HUWE1: variants seen among roughly 807,000 people sequenced by gnomAD.
HUWE1 encodes E3 ubiquitin-protein ligase HUWE1.
HUWE1 carries 18 observed loss-of-function variants against 299.4 expected under a neutral mutation model. That is an observed-to-expected ratio of 0.06 (90% CI 0.04 to 0.09). HUWE1 has a LOEUF of 0.09. Ranked by LOEUF, HUWE1 falls within the 10% of genes least tolerant of loss-of-function variation. HUWE1 has a pLI of 1.00. For synonymous variants in HUWE1, 1,317 were observed against 1,286.1 expected (o/e 1.02, Z -0.51); for missense variants, 1,832 against 3,462.3 (o/e 0.53, Z 11.82).
intron 4 of HUWE1, among the ~76,000 whole-genome samples, chrX:53,653,385 CAA>C (rs1256285647): frequency 9.0e-6 from 1 of 111,495 alleles, no homozygotes; most frequent in Non-Finnish European, 1.9e-5. Flanking sequence ...CTCTCAGCCA[CAA>C]AAGTCTGGTA....
At chrX:53,663,879 T>TA (rs376201617) in intron 3 of HUWE1, among the ~76,000 whole-genome samples, 1,620 of 94,687 alleles carry the variant, frequency 0.017, 17 homozygotes, top group South Asian at 0.046. Context: ...GTGGGAAAGT[T>TA]AAAAAAAAAA....
chrX:53,583,202 C>T (rs1203577236), intron 42 of HUWE1, among the ~76,000 whole-genome samples: 1 of 109,318 alleles, frequency 9.1e-6, no homozygotes, highest in Non-Finnish European at 1.9e-5. Flanking sequence ...GCTGAACACC[C>T]GAGAGGTACT....
chrX:53,591,266 A>G lies in HUWE1; in HGVS notation c.3973-144T>C, dbSNP rs1261842806. On this transcript the variant is annotated intron_variant, in intron 33 of 83. Coordinates refer to ENST00000262854, the MANE Select transcript of HUWE1 (RefSeq NM_031407.7). ...TTTATGAGCTAGGGCAATTAGGTAA[A>G]ATGAACAATCCTTTCTGTTTGGTGC... 6 of 631,907 alleles carry G rather than the reference A, an allele frequency of 9.5e-6. No homozygotes were observed. In the African/African-American group the frequency reaches 1.3e-4, roughly 14 times the overall value. The allele number at this position is 631,907 out of a possible 1,213,427, so 52.1% of individuals were successfully genotyped here. A position where few individuals can be genotyped will look rare whatever the true frequency, so the allele number is the denominator to read the frequency against.
intron 17 of HUWE1, among the ~76,000 whole-genome samples, chrX:53,626,215 ACGTGTG>A (rs1385446665): frequency 1.6e-3 from 85 of 53,696 alleles, no homozygotes; most frequent in Non-Finnish European, 2.7e-3. Flanking sequence ...ACATACATAC[ACGTGTG>A]TGTGTGTGTG....
At chrX:53,605,860 C>G (rs1302640326) in intron 25 of HUWE1, among the ~76,000 whole-genome samples, 1 of 111,734 alleles carries the variant, frequency 8.9e-6, no homozygotes, top group Non-Finnish European at 1.9e-5. Flanking sequence ...AGAATTAAAT[C>G]TTCACATATA....
intron 46 of HUWE1, 113 bp downstream of exon 46, chrX:53,575,042 A>T: frequency 5.3e-6 from 3 of 568,492 alleles, no homozygotes; most frequent in Non-Finnish European, 9.1e-6. Context: ...TTAGACCAGT[A>T]AACGTAATAA....
Position 53,594,576 on chromosome X carries a change from C to G in HUWE1, c.3426G>C (p.Leu1142=). ...GGTAGGGATACTTCCTCTCATCAAA[C>G]AGCATTGGGGATGTGAAACCAACTG... ...ICSVGFTSPM[L]FDERKYPYHL... is the part of the protein sequence containing the mutation. Residue 1142 remains leucine (L), a synonymous_variant, in exon 31 of 84, where the codon CTG becomes CTC. Transcript: ENST00000262854. The G allele has an allele frequency of 8.3e-7, 1 of 1,209,715 alleles. No homozygotes were observed. The highest frequency in any genetic ancestry group is 1.8e-5 in the South Asian group (1 of 56,838).
In HUWE1 at chrX:53,577,057, A is replaced by T; in HGVS notation, c.5727T>A (p.Asp1909Glu). 1.7e-6 allele frequency: 2 copies of T among 1,206,527 alleles called. No homozygotes were observed. The highest frequency in any genetic ancestry group is 2.2e-6 in the Non-Finnish European group (2 of 890,998). The change falls in exon 44 of 84, where the codon GAT becomes GAA. Residue 1909 changes from aspartate to glutamate, a missense_variant. Coordinates refer to ENST00000262854, the MANE Select transcript of HUWE1 (RefSeq NM_031407.7). Reference protein sequence around the residue: ...APRGSGTASDDEFENLRIKGP... With the variant: ...APRGSGTASDEEFENLRIKGP... ...CTTTAATTCTAAGATTCTCAAATTC[A>T]TCATCTGAAGCTAAGCCAAAATGAG...
intron 19 of HUWE1, among the ~76,000 whole-genome samples, chrX:53,618,112 G>A (rs868994394): frequency 8.9e-6 from 1 of 111,939 alleles, no homozygotes; most frequent in Middle Eastern, 4.7e-3. Flanking sequence ...AAATAGTACA[G>A]CATTAAAGTA....
Position 53,680,980 on chromosome X carries a change from G to C in HUWE1, c.-162-794C>G, listed in dbSNP as rs181461393. On this transcript the variant is annotated intron_variant, in intron 2 of 83. Transcript: ENST00000262854. ...TCCACATACAGCTAATTGTGGGATG[G>C]TTACCTCCTGTAAATTTTAAATCCT... 6.2e-3 allele frequency among the ~76,000 whole-genome samples: 693 copies of C among 111,110 alleles called. 8 individuals carry two copies. Among genetic ancestry groups the C allele is most frequent in the African/African-American group, 0.021 (654 of 30,549 alleles).
chrX:53,657,391 T>A (rs782105858), intron 3 of HUWE1, among the ~76,000 whole-genome samples: 1 of 111,622 alleles, frequency 9.0e-6, no homozygotes, highest in Non-Finnish European at 1.9e-5. Context: ...CTGGCCAACA[T>A]GGCAAAACCC....
intron 25 of HUWE1, among the ~76,000 whole-genome samples, chrX:53,606,889 G>A (rs782161356): frequency 9.0e-6 from 1 of 111,246 alleles, no homozygotes; most frequent in Non-Finnish European, 1.9e-5. Flanking sequence ...TCTGGAGATT[G>A]GCTGCACATC....
At chrX:53,557,957 T>C (rs2062105437) in intron 59 of HUWE1, among the ~76,000 whole-genome samples, 1 of 112,015 alleles carries the variant, frequency 8.9e-6, no homozygotes, top group Non-Finnish European at 1.9e-5. Context: ...CCTTAACTGC[T>C]GAGTAGGGTA....
intron 83 of HUWE1, chrX:53,533,736 C>T: frequency 2.3e-6 from 1 of 441,268 alleles, no homozygotes; most frequent in South Asian, 3.3e-5. Flanking sequence ...ACTTTTGCTC[C>T]CTGCAACTCC....
intron 2 of HUWE1, among the ~76,000 whole-genome samples, chrX:53,682,665 G>A (rs2070229500): frequency 9.0e-6 from 1 of 110,582 alleles, no homozygotes; most frequent in Non-Finnish European, 1.9e-5. Context: ...GGGGAGTGGG[G>A]GATAGAAAGA....
chrX:53,644,842 T>G (rs1225888402), intron 7 of HUWE1, among the ~76,000 whole-genome samples: 1 of 111,941 alleles, frequency 8.9e-6, no homozygotes, highest in Non-Finnish European at 1.9e-5. Context: ...TATGAGAGCT[T>G]CTGGCTTCAA....
At chrX:53,536,783 G>C in intron 78 of HUWE1, 116 bp from the exon 79 acceptor site, 2 of 649,275 alleles carry the variant, frequency 3.1e-6, no homozygotes, top group Admixed American at 5.4e-5. Context: ...GTCAGATGAA[G>C]AGGTAAACAG....
At position 53,547,821 on chromosome X, in the gene HUWE1, AGTG is replaced by A. The variant is rs782446150; in HGVS notation, c.10485_10487del (p.Thr3496del). On this transcript the variant is annotated inframe_deletion, in exon 68 of 84. Transcript: ENST00000262854. ...GGGGTGTGGGCGTGGTGGAGGCGGC[AGTG>A]GTGGTGGTGGTAGATGTGGTTGAGG... The A allele has an allele frequency of 6.9e-5, 83 of 1,195,003 alleles. No individual in the cohort carries two copies. In the Middle Eastern group the frequency reaches 9.4e-4, roughly 13 times the overall value.
In HUWE1 at chrX:53,554,824, G is replaced by A. The variant is rs1186177612; in HGVS notation, c.8303C>T (p.Ser2768Leu). Residue 2768 changes from serine (S) to leucine (L), a missense_variant, in exon 61 of 84, where the codon TCA becomes TTA. Physicochemically the swap from Ser to Leu is moderately radical, Grantham distance 145. Around this residue, in one of 15 missense-constraint regions of HUWE1, gnomAD observed 143 missense variants for 148.1 expected, o/e 0.97. Transcript: ENST00000262854. ...SKETLGTLQS[S>L]QQQPTLPTPP... ...GGTTGGGAGTGTTGGTTGCTGTTGT[G>A]AGGATTGCAGAGTGCCAAGGGTCTC... 5.8e-6 allele frequency: 7 copies of A among 1,208,890 alleles called. No individual in the cohort carries two copies. Among genetic ancestry groups the A allele is most frequent in the Non-Finnish European group, 7.8e-6 (7 of 894,515 alleles).
Sources: gnomAD v4.1 joint callset for allele counts (sites outside exome capture counted in the v4.1 genomes callset) on GRCh38, gnomAD v4.1.1 for gene constraint, gnomAD v4.1.1 regional missense constraint, MANE v1.5 for transcripts, NCBI Gene and HGNC (gene_info 2026-07-23, HGNC 2026-07-21) for gene names.